Variants in GALNT17 observed in about 807,000 individuals in gnomAD.
The protein encoded by GALNT17 is UDP-GalNAc:polypeptide N-acetylgalactosaminyltransferase-like 3.
GALNT17 carries 29 observed loss-of-function variants against 63.7 expected under a neutral mutation model. The observed-to-expected ratio is 0.46, with a 90% CI of 0.34 to 0.62. The LOEUF (loss-of-function observed/expected upper bound fraction) is 0.62, where lower values mean the gene tolerates loss of function less well. Among genes scored for constraint, GALNT17 ranks in the 20% least tolerant of loss-of-function variants. The probability of loss-of-function intolerance (pLI) is 0.01; values close to 1 mark genes in which losing one functional copy is unlikely to be tolerated. For missense variants in GALNT17, 603 were observed against 799.6 expected, an observed-to-expected ratio of 0.75 and a Z score of 2.97; for synonymous variants, 305 against 318.3, an observed-to-expected ratio of 0.96 and a Z score of 0.45.
chr7:71,482,459 C>T (rs541558133), intron 5 of GALNT17, among the ~76,000 whole-genome samples: 48 of 152,210 alleles, frequency 3.2e-4, no homozygotes, highest in Non-Finnish European at 1.6e-4. Context: ...GACAGGGATA[C>T]ATTCAAAGAA....
intron 5 of GALNT17, among the ~76,000 whole-genome samples, chr7:71,521,935 A>G (rs1454035903): frequency 6.6e-6 from 1 of 152,228 alleles, no homozygotes; most frequent in East Asian, 1.9e-4. Flanking sequence ...ACAGAACGTT[A>G]GATCATAAGG....
At chr7:71,410,152 C>G (rs1446832949) in intron 3 of GALNT17, among the ~76,000 whole-genome samples, 1 of 152,038 alleles carries the variant, frequency 6.6e-6, no homozygotes, top group African/African-American at 2.4e-5. Flanking sequence ...ACAATAGGCA[C>G]TAAGAAACTA....
chr7:71,408,377 G>A (rs545093114), intron 3 of GALNT17, among the ~76,000 whole-genome samples: 1 of 152,340 alleles, frequency 6.6e-6, no homozygotes, highest in South Asian at 2.1e-4. Flanking sequence ...GGGGAGAGGT[G>A]TTGGTGATAA....
intron 1 of GALNT17, among the ~76,000 whole-genome samples, chr7:71,328,096 G>A (rs778744762): frequency 1.3e-5 from 2 of 152,158 alleles, no homozygotes; most frequent in Non-Finnish European, 2.9e-5. Context: ...AGTGAAGCAT[G>A]AAGGATATTT....
intron 6 of GALNT17, among the ~76,000 whole-genome samples, chr7:71,587,301 A>G (rs1789733827): frequency 6.6e-6 from 1 of 152,100 alleles, no homozygotes; most frequent in Non-Finnish European, 1.5e-5. Context: ...GTGCTGAAAT[A>G]ACAGGTGTGA....
chr7:71,392,763 G>A (rs1341487775), intron 3 of GALNT17, among the ~76,000 whole-genome samples: 1 of 152,166 alleles, frequency 6.6e-6, no homozygotes, highest in Non-Finnish European at 1.5e-5. Flanking sequence ...GGGACCGGGA[G>A]TTGACGATAT....
intron 1 of GALNT17, among the ~76,000 whole-genome samples, chr7:71,189,353 G>T (rs143830134): frequency 6.6e-6 from 1 of 152,128 alleles, no homozygotes; most frequent in African/African-American, 2.4e-5. Context: ...CCTGTCTCGG[G>T]TATGTGAAAA....
chr7:71,155,239 T>C lies in GALNT17; in HGVS notation c.238+22199T>C, dbSNP rs148351629. 3.0e-3 allele frequency among the ~76,000 whole-genome samples: 458 copies of C among 151,936 alleles called. 15 individuals carry two copies. Among genetic ancestry groups the C allele is most frequent in the African/African-American group, 0.01 (422 of 41,232 alleles). On this transcript the variant is annotated intron_variant, in intron 1 of 10. Coordinates refer to ENST00000333538, the MANE Select transcript of GALNT17 (RefSeq NM_022479.3). Reference sequence around the variant, plus strand: ...TTATATTGTGCTGTTCCAGGTCTTTTAGCAGCAGAGACAAGAACACATTTA... The same window carrying C: ...TTATATTGTGCTGTTCCAGGTCTTTCAGCAGCAGAGACAAGAACACATTTA...
chr7:71,694,536 C>G (rs1267451304), intron 9 of GALNT17, among the ~76,000 whole-genome samples: 1 of 152,008 alleles, frequency 6.6e-6, no homozygotes, highest in Non-Finnish European at 1.5e-5. Context: ...GCTGTGATTA[C>G]AGATGTGCAC....
intron 2 of GALNT17, among the ~76,000 whole-genome samples, chr7:71,377,114 A>AAAATATATATATATATAT: frequency 3.5e-4 from 20 of 57,446 alleles, no homozygotes; most frequent in African/African-American, 8.4e-4. Context: ...AAATAAAAAA[A>AAAATATATATATATATAT]ATATATATAT....
Position 71,193,843 on chromosome 7 carries a change from T to C in GALNT17, c.238+60803T>C, listed in dbSNP as rs193142384. 3.2e-3 allele frequency among the ~76,000 whole-genome samples: 485 copies of C among 152,304 alleles called. 3 individuals are homozygous for C. Among genetic ancestry groups the C allele is most frequent in the African/African-American group, 0.011 (448 of 41,574 alleles). On this transcript the variant is annotated intron_variant, in intron 1 of 10. Coordinates refer to ENST00000333538, the MANE Select transcript of GALNT17 (RefSeq NM_022479.3). Reference sequence around the variant, plus strand: ...AGCTACAGAAATAGCAAGTGAATAATAAAATAATGTGTTGTGGTCCACGTG... The same window carrying C: ...AGCTACAGAAATAGCAAGTGAATAACAAAATAATGTGTTGTGGTCCACGTG...
At chr7:71,583,690 G>T (rs1030661529) in intron 6 of GALNT17, among the ~76,000 whole-genome samples, 1 of 151,838 alleles carries the variant, frequency 6.6e-6, no homozygotes, top group African/African-American at 2.4e-5. Flanking sequence ...GCTGATCTAT[G>T]TAGAAAGCTA....
At chr7:71,438,646 A>T (rs1787010212) in intron 5 of GALNT17, among the ~76,000 whole-genome samples, 2 of 152,224 alleles carry the variant, frequency 1.3e-5, no homozygotes, top group Admixed American at 1.3e-4. Flanking sequence ...TAAAATGCTT[A>T]AAACAGTCCA....
intron 5 of GALNT17, among the ~76,000 whole-genome samples, chr7:71,539,707 C>CTTTTTTTTTTTTTTTTTTTT (rs71089953): frequency 1.4e-5 from 1 of 71,416 alleles, no homozygotes; most frequent in Non-Finnish European, 2.4e-5. Context: ...TTAGTCCCAC[C>CTTTTTTTTTTTTTTTTTTTT]TTTTTTTTTT....
intron 4 of GALNT17, among the ~76,000 whole-genome samples, chr7:71,417,877 C>T (rs1038576566): frequency 6.6e-5 from 10 of 152,300 alleles, no homozygotes; most frequent in African/African-American, 2.4e-4. Context: ...CCTCCACCTC[C>T]AGCCAGTTTT....
At chr7:71,222,032 G>C (rs1789595450) in intron 1 of GALNT17, among the ~76,000 whole-genome samples, 1 of 150,030 alleles carries the variant, frequency 6.7e-6, no homozygotes, top group African/African-American at 2.4e-5. Flanking sequence ...CTCAGCCTCT[G>C]GATGAGCTGG....
chr7:71,568,922 G>A (rs1278994130), intron 5 of GALNT17, among the ~76,000 whole-genome samples: 2 of 152,116 alleles, frequency 1.3e-5, no homozygotes, highest in Middle Eastern at 6.3e-3. Context: ...GTCAACCACT[G>A]CACATATATG....
chr7:71,269,934 C>T (rs776965091), intron 1 of GALNT17, among the ~76,000 whole-genome samples: 1 of 152,118 alleles, frequency 6.6e-6, no homozygotes, highest in Non-Finnish European at 1.5e-5. Context: ...GAGATTAATA[C>T]ACTCTCTGAA....
intron 2 of GALNT17, among the ~76,000 whole-genome samples, chr7:71,385,305 G>A (rs79219015): frequency 0.098 from 14,861 of 152,142 alleles, 930 homozygotes; most frequent in Middle Eastern, 0.21. Flanking sequence ...TGCCCAGCCC[G>A]GCAGTCATCT....
Sources: gnomAD v4.1 joint callset for allele counts (sites outside exome capture counted in the v4.1 genomes callset) on GRCh38, gnomAD v4.1.1 for gene constraint, MANE v1.5 for transcripts, NCBI Gene and HGNC (gene_info 2026-07-23, HGNC 2026-07-21) for gene names.